The following CACNB1 variants were observed in gnomAD, a reference collection of about 807,000 sequenced individuals.
CACNB1 encodes the protein voltage-dependent L-type calcium channel subunit beta-1.
A neutral mutation model predicts 71.6 loss-of-function variants in CACNB1; 29 were observed. That is an observed-to-expected ratio of 0.40 (90% CI 0.30 to 0.55). CACNB1 has a LOEUF of 0.55. Among genes scored for constraint, CACNB1 ranks in the 20% least tolerant of loss-of-function variants. CACNB1 has a pLI of 0.38. For missense variants in CACNB1, 623 were observed against 801.8 expected (o/e 0.78, Z 2.69); for synonymous variants, 300 against 319.6 (o/e 0.94, Z 0.65).
At chr17:39,191,093 A>C (rs2046067073) in intron 3 of CACNB1, among the ~76,000 whole-genome samples, 1 of 152,030 alleles carries the variant, frequency 6.6e-6, no homozygotes, top group Admixed American at 6.6e-5. Context: ...AGTCCCGGCT[A>C]CTTGGGAGGC....
chr17:39,181,884 C>T (rs939193400), intron 11 of CACNB1, among the ~76,000 whole-genome samples: 11 of 151,738 alleles, frequency 7.2e-5, no homozygotes, highest in Admixed American at 5.3e-4. Flanking sequence ...CAGGTGTGGC[C>T]GGGCACAGTG....
intron 11 of CACNB1, among the ~76,000 whole-genome samples, chr17:39,182,324 CA>C (rs56792654): frequency 1.4e-3 from 180 of 129,618 alleles, no homozygotes; most frequent in Middle Eastern, 0.012. Flanking sequence ...AAGGCTGTCT[CA>C]AAAAAAAAAA....
intron 11 of CACNB1, among the ~76,000 whole-genome samples, chr17:39,181,754 C>T (rs755642130): frequency 3.9e-5 from 6 of 152,190 alleles, no homozygotes; most frequent in Non-Finnish European, 5.9e-5. Context: ...CGGTGGCTCA[C>T]GCCTGTAATC....
At chr17:39,185,080 T>C (rs1200506087) in intron 7 of CACNB1, 51 bp downstream of exon 7, 2 of 1,573,160 alleles carry the variant, frequency 1.3e-6, no homozygotes, top group African/African-American at 1.3e-5. Context: ...AAGGTCCCCC[T>C]AGCTCATCCC....
chr17:39,190,111 A>G (rs1482126326), intron 3 of CACNB1, among the ~76,000 whole-genome samples: 2 of 150,494 alleles, frequency 1.3e-5, no homozygotes, highest in African/African-American at 4.9e-5. Context: ...GCAAGACTCC[A>G]TCTCAAAAAT....
In CACNB1 at chr17:39,175,503, C is replaced by A. The variant is rs776999073; in HGVS notation, c.1487G>T (p.Arg496Leu). ...GGTGTCGGCATCAAAAGTGTCTTGG[C>A]GGGACAGTGCCCGTAGCGTGCCTGC... ...GRAGTLRALSRQDTFDADTPG... is the reference protein window; with the variant it reads ...GRAGTLRALSLQDTFDADTPG... The change falls in exon 14 of 14, where the codon CGC becomes CTC. Residue 496 changes from arginine to leucine, a missense_variant. Physicochemically the swap from Arg to Leu is moderately radical, Grantham distance 102. Transcript: ENST00000394303. This position sits in a 1 kb window ranked among gnomAD's most constrained non-coding sequence, Gnocchi z 4.7. 1 of 1,613,926 alleles carries A rather than the reference C, an allele frequency of 6.2e-7. No homozygotes were observed. Among genetic ancestry groups the A allele is most frequent in the South Asian group, 1.1e-5 (1 of 91,072 alleles).
At chr17:39,187,351 A>C in intron 4 of CACNB1, 128 bp downstream of exon 4, 31 of 1,019,076 alleles carry the variant, frequency 3.0e-5, no homozygotes, top group Non-Finnish European at 4.4e-5. Context: ...AGAGAGGTGG[A>C]GAGATTTGTC....
In CACNB1 at chr17:39,194,230, G is replaced by A. The variant is rs1354083008; in HGVS notation, c.171+654C>T. On this transcript the variant is annotated intron_variant, in intron 2 of 13. Coordinates refer to ENST00000394303, the MANE Select transcript of CACNB1 (RefSeq NM_000723.5). This position sits in a 1 kb window ranked among gnomAD's most constrained non-coding sequence, Gnocchi z 4.6. ...CACCCTGAGCCTAAGATGGCCCAGG[G>A]TTGACAGATGAGAGCAGCCGCTTAC... is the stretch of plus-strand genomic sequence containing the variant. Among the ~76,000 whole-genome samples, 1 of 152,162 alleles carries A rather than the reference G, an allele frequency of 6.6e-6. No individual in the cohort carries two copies. The highest frequency in any genetic ancestry group is 2.1e-4 in the South Asian group (1 of 4,820).
Position 39,175,180 on chromosome 17 carries a change from T to C in CACNB1, c.*13A>G, listed in dbSNP as rs746952591. The C allele has an allele frequency of 1.3e-6, 2 of 1,593,378 alleles. No homozygotes were observed. The highest frequency in any genetic ancestry group is 2.7e-5 in the African/African-American group (2 of 74,392). ...GCTCAGAGCCCTTCCTCCCGCCGTG[T>C]GGCCCCTGCCTCTCAGCGAATGTAG... On this transcript the variant is annotated 3_prime_UTR_variant, in exon 14 of 14. Transcript: ENST00000394303. The surrounding 1 kb of genome is among the most constrained non-coding windows in gnomAD (Gnocchi z 4.7).
chr17:39,193,216 A>G, intron 2 of CACNB1: 1 of 283,130 alleles, frequency 3.5e-6, no homozygotes, highest in Non-Finnish European at 7.1e-6. Flanking sequence ...GTGCGGGCAG[A>G]CACACACACA....
At chr17:39,184,206 G>T in intron 9 of CACNB1, 66 bp from the exon 10 acceptor site, 1 of 1,320,934 alleles carries the variant, frequency 7.6e-7, no homozygotes, top group Non-Finnish European at 1.1e-6. Flanking sequence ...CCACTCCCCA[G>T]TTCCAGGCCC....
chr17:39,186,594 G>A lies in CACNB1; in HGVS notation c.552-22C>T, dbSNP rs1239801113. ...TTTGCTGTGTGGGCAGAGGCAAACCGAGCTTGTGAGCAAAGAGGTGGGCGT... is the reference window on the plus strand; with the variant it reads ...TTTGCTGTGTGGGCAGAGGCAAACCAAGCTTGTGAGCAAAGAGGTGGGCGT... On this transcript the variant is annotated intron_variant, in intron 5 of 13. Coordinates refer to ENST00000394303, the MANE Select transcript of CACNB1 (RefSeq NM_000723.5). This position sits in a 1 kb window ranked among gnomAD's most constrained non-coding sequence, Gnocchi z 4.1. 13 of 1,606,576 alleles carry A rather than the reference G, an allele frequency of 8.1e-6. No homozygotes were observed. The African/African-American group carries it at 1.5e-4, about 18-fold the overall frequency.
At chr17:39,190,584 C>T (rs2046050909) in intron 3 of CACNB1, among the ~76,000 whole-genome samples, 1 of 152,006 alleles carries the variant, frequency 6.6e-6, no homozygotes, top group Non-Finnish European at 1.5e-5. Context: ...TACACCACCA[C>T]ACCCAGCTAC....
At position 39,191,055 on chromosome 17, in the gene CACNB1, T is replaced by G. The variant is rs530256081; in HGVS notation, c.291+419A>C. ...CCGTCTCTACTAAAAATACAAAAAA[T>G]TAGCCGGGCGTGGCAGCCAGAGCCT... On this transcript the variant is annotated intron_variant, in intron 3 of 13. Coordinates refer to ENST00000394303, the MANE Select transcript of CACNB1 (RefSeq NM_000723.5). 8.0e-4 allele frequency among the ~76,000 whole-genome samples: 122 copies of G among 151,714 alleles called. 1 individual carries two copies. The highest frequency in any genetic ancestry group is 1.0e-3 in the South Asian group (5 of 4,790).
chr17:39,174,885 A>G lies in CACNB1; in HGVS notation c.*308T>C. 2.8e-6 allele frequency: 1 copy of G among 357,448 alleles called. No homozygotes were observed. Among genetic ancestry groups the G allele is most frequent in the Non-Finnish European group, 5.1e-6 (1 of 194,810 alleles). 22.1% of individuals were successfully genotyped at this position (357,448 alleles called of 1,614,324 possible). On this transcript the variant is annotated 3_prime_UTR_variant, in exon 14 of 14. Coordinates refer to ENST00000394303, the MANE Select transcript of CACNB1 (RefSeq NM_000723.5). ...TTAGGGCCCCGAGTAGAAAGAGTTA[A>G]GGAAGTGCACCTTTTCTCTAGGAGG...
At chr17:39,184,957 C>T (rs907771366) in intron 7 of CACNB1, 93 bp from the exon 8 acceptor site, 5 of 1,053,144 alleles carry the variant, frequency 4.7e-6, no homozygotes, top group Admixed American at 1.7e-5. Context: ...AGCCTTCCCC[C>T]ACCCTGGTCC....
intron 4 of CACNB1, 34 bp downstream of exon 4, chr17:39,187,445 C>G: frequency 6.2e-7 from 1 of 1,612,054 alleles, no homozygotes; most frequent in Non-Finnish European, 8.5e-7. Context: ...TGTCTCCTGG[C>G]ACCCACTTCC....
chr17:39,186,605 C>A lies in CACNB1; in HGVS notation c.552-33G>T. 6.3e-7 allele frequency: 1 copy of A among 1,596,476 alleles called. No homozygotes were observed. On this transcript the variant is annotated intron_variant, in intron 5 of 13. Coordinates refer to ENST00000394303, the MANE Select transcript of CACNB1 (RefSeq NM_000723.5). The surrounding 1 kb of genome is among the most constrained non-coding windows in gnomAD (Gnocchi z 4.1). ...GGCAGAGGCAAACCGAGCTTGTGAGCAAAGAGGTGGGCGTGGGGGGCTCTC... is the reference window on the plus strand; with the variant it reads ...GGCAGAGGCAAACCGAGCTTGTGAGAAAAGAGGTGGGCGTGGGGGGCTCTC...
chr17:39,174,771 C>A lies in CACNB1; in HGVS notation c.*422G>T, dbSNP rs1178059958. 1 of 162,996 alleles carries A rather than the reference C, an allele frequency of 6.1e-6. No homozygotes were observed. Among genetic ancestry groups the A allele is most frequent in the Non-Finnish European group, 1.3e-5 (1 of 74,818 alleles). The allele number at this position is 162,996 out of a possible 1,614,324, so 10.1% of individuals were successfully genotyped here. On this transcript the variant is annotated 3_prime_UTR_variant, in exon 14 of 14. Transcript: ENST00000394303. ...GAAGAGAGCCCCCATGGGAAAGAATCTGTGGCCTCCCTTTCCAGGAAAAGC... is the reference window on the plus strand; with the variant it reads ...GAAGAGAGCCCCCATGGGAAAGAATATGTGGCCTCCCTTTCCAGGAAAAGC...
Sources: gnomAD v4.1 joint callset for allele counts (sites outside exome capture counted in the v4.1 genomes callset) on GRCh38, gnomAD v4.1.1 for gene constraint, Gnocchi (gnomAD v3.1) non-coding constraint, MANE v1.5 for transcripts, NCBI Gene and HGNC (gene_info 2026-07-23, HGNC 2026-07-21) for gene names.